The following PRIM2 variants were observed in gnomAD, a reference collection of about 807,000 sequenced individuals.
The protein encoded by PRIM2 is DNA primase large subunit.
A neutral mutation model predicts 67.3 loss-of-function variants in PRIM2; 39 were observed. That is an observed-to-expected ratio of 0.58 (90% CI 0.45 to 0.76). The LOEUF (loss-of-function observed/expected upper bound fraction) is 0.76, where lower values mean the gene tolerates loss of function less well. PRIM2 is among the 30% of genes least tolerant of loss of function. PRIM2 has a pLI of 0.00. For synonymous variants in PRIM2, 143 were observed against 198.7 expected, an observed-to-expected ratio of 0.72 and a Z score of 2.36; for missense variants, 398 against 598.7, an observed-to-expected ratio of 0.66 and a Z score of 3.50.
intron 12 of PRIM2, among the ~76,000 whole-genome samples, chr6:57,606,720 G>A (rs1776568826): frequency 2.0e-5 from 3 of 152,150 alleles, no homozygotes; most frequent in African/African-American, 7.2e-5. Context: ...ACCTCAGTTT[G>A]TTTTACTATC....
At chr6:57,271,781 T>G in the PRIM2 span, among the ~76,000 whole-genome samples, 1 of 152,106 alleles carries the variant, frequency 6.6e-6, no homozygotes, top group African/African-American at 2.4e-5. Context: ...ATAAATTTCC[T>G]TCTACACACT....
the PRIM2 span, among the ~76,000 whole-genome samples, chr6:57,223,689 T>A: frequency 6.6e-6 from 1 of 152,058 alleles, no homozygotes; most frequent in Non-Finnish European, 1.5e-5. Flanking sequence ...AAAGAAGGTA[T>A]ACAAATGGCC....
intron 7 of PRIM2, among the ~76,000 whole-genome samples, chr6:57,482,453 AC>A (rs1250830232): frequency 1.3e-5 from 2 of 152,236 alleles, no homozygotes; most frequent in African/African-American, 4.8e-5. Flanking sequence ...CAGCACAGTG[AC>A]ATCCTATGGA....
intron 8 of PRIM2, among the ~76,000 whole-genome samples, chr6:57,526,188 A>G (rs1267895845): frequency 1.6e-4 from 24 of 152,182 alleles, no homozygotes; most frequent in Admixed American, 1.4e-3. Context: ...TTTACAATCC[A>G]GTGTCTTCAG....
chr6:57,416,311 G>T (rs1204117989), intron 7 of PRIM2, among the ~76,000 whole-genome samples: 22 of 152,110 alleles, frequency 1.4e-4, no homozygotes, highest in African/African-American at 5.1e-4. Context: ...AAGGAAACTT[G>T]TTCTGAGCAG....
At chr6:57,388,357 T>C (rs2127345093) in intron 7 of PRIM2, among the ~76,000 whole-genome samples, 1 of 152,218 alleles carries the variant, frequency 6.6e-6, no homozygotes, top group Non-Finnish European at 1.5e-5. Flanking sequence ...ATGGATTGGT[T>C]GTGGTGATAT....
chr6:57,500,714 G>A (rs1554346777), intron 7 of PRIM2, among the ~76,000 whole-genome samples: 1 of 152,144 alleles, frequency 6.6e-6, no homozygotes, highest in Non-Finnish European at 1.5e-5. Context: ...TAACTGTCAT[G>A]GAGTCTTGGG....
intron 7 of PRIM2, among the ~76,000 whole-genome samples, chr6:57,438,212 A>G (rs1772078000): frequency 6.6e-6 from 1 of 152,182 alleles, no homozygotes. Flanking sequence ...TGTAAAATTC[A>G]CTTTTTAATA....
At chr6:57,268,316 T>C in the PRIM2 span, among the ~76,000 whole-genome samples, 1 of 151,986 alleles carries the variant, frequency 6.6e-6, no homozygotes, top group Non-Finnish European at 1.5e-5. Context: ...TCCTGTAGGA[T>C]ATAAGAATAT....
At position 57,379,999 on chromosome 6, in the gene PRIM2, A is replaced by G. The variant is rs1177878615; in HGVS notation, c.555+3A>G. The G allele has an allele frequency of 1.3e-6, 2 of 1,545,808 alleles. No individual in the cohort carries two copies. Among genetic ancestry groups the G allele is most frequent in the Non-Finnish European group, 1.7e-6 (2 of 1,144,792 alleles). ...TGGGGTTCGAGTCCATTTATAAGGTATGTAAACATGTAAAATACTTCCTAG... is the reference window on the plus strand; with the variant it reads ...TGGGGTTCGAGTCCATTTATAAGGTGTGTAAACATGTAAAATACTTCCTAG... On this transcript the variant is annotated splice_donor_region_variant and intron_variant, in intron 6 of 13. Coordinates refer to ENST00000615550, the MANE Select transcript of PRIM2 (RefSeq NM_000947.5).
chr6:57,540,126 G>A (rs1305585554), intron 10 of PRIM2, among the ~76,000 whole-genome samples: 1 of 152,168 alleles, frequency 6.6e-6, no homozygotes, highest in Non-Finnish European at 1.5e-5. Flanking sequence ...TTGACATCAT[G>A]TATTATTAAC....
the PRIM2 span, among the ~76,000 whole-genome samples, chr6:57,243,875 A>T: frequency 2.0e-5 from 3 of 152,192 alleles, no homozygotes; most frequent in African/African-American, 7.2e-5. Flanking sequence ...TCTGACTTCT[A>T]TGTAATTCAA....
At chr6:57,233,071 T>C in the PRIM2 span, among the ~76,000 whole-genome samples, 1 of 152,236 alleles carries the variant, frequency 6.6e-6, no homozygotes, top group African/African-American at 2.4e-5. Flanking sequence ...CATATTCCTC[T>C]GTATGAAATC....
chr6:57,473,878 G>C (rs2127402777), intron 7 of PRIM2, among the ~76,000 whole-genome samples: 1 of 151,772 alleles, frequency 6.6e-6, no homozygotes, highest in Admixed American at 6.5e-5. Flanking sequence ...CTTTTCAGTG[G>C]GGCTCTACTG....
chr6:57,387,321 A>T (rs371135728), intron 7 of PRIM2, among the ~76,000 whole-genome samples: 5,108 of 152,206 alleles, frequency 0.034, 288 homozygotes, highest in African/African-American at 0.11. Context: ...AATGATATAA[A>T]CTTGCTTTTG....
chr6:57,630,542 T>C (rs1777022657), intron 12 of PRIM2, among the ~76,000 whole-genome samples: 1 of 151,998 alleles, frequency 6.6e-6, no homozygotes, highest in South Asian at 2.1e-4. Flanking sequence ...TATTATTTCT[T>C]CATAGCATGT....
the PRIM2 span, among the ~76,000 whole-genome samples, chr6:57,284,093 C>T: frequency 1.1e-3 from 166 of 152,178 alleles, no homozygotes; most frequent in Non-Finnish European, 1.9e-3. Context: ...TAAACAGAAC[C>T]ACAGAAGTTT....
intron 10 of PRIM2, among the ~76,000 whole-genome samples, chr6:57,576,417 G>A (rs1481620938): frequency 6.6e-6 from 1 of 152,044 alleles, no homozygotes; most frequent in Non-Finnish European, 1.5e-5. Context: ...AAATCACAGT[G>A]AAGTACAGAA....
At chr6:57,239,990 G>A in the PRIM2 span, among the ~76,000 whole-genome samples, 1 of 151,928 alleles carries the variant, frequency 6.6e-6, no homozygotes, top group Non-Finnish European at 1.5e-5. Flanking sequence ...CTCAGAGACT[G>A]TAGGGAGGAC....
Sources: gnomAD v4.1 joint callset for allele counts (sites outside exome capture counted in the v4.1 genomes callset) on GRCh38, gnomAD v4.1.1 for gene constraint, MANE v1.5 for transcripts, NCBI Gene and HGNC (gene_info 2026-07-23, HGNC 2026-07-21) for gene names.